The following IFT80 variants were observed in gnomAD, a reference collection of about 807,000 sequenced individuals.
IFT80 encodes intraflagellar transport 80.
In IFT80, 79 loss-of-function variants were observed where a neutral mutation model predicts 107.9. The ratio of observed to expected loss-of-function variants is 0.73; its 90% confidence interval spans 0.61 to 0.88. The LOEUF (loss-of-function observed/expected upper bound fraction) is 0.88, where lower values mean the gene tolerates loss of function less well. Among genes scored for constraint, IFT80 ranks in the 40% least tolerant of loss-of-function variants. The pLI is 0.00. For missense variants in IFT80, 797 were observed against 914.2 expected, an observed-to-expected ratio of 0.87 and a Z score of 1.65; for synonymous variants, 299 against 300.9, an observed-to-expected ratio of 0.99 and a Z score of 0.07.
intron 8 of IFT80, among the ~76,000 whole-genome samples, chr3:160,338,137 A>C (rs1309430390): frequency 2.0e-5 from 3 of 152,180 alleles, no homozygotes; most frequent in African/African-American, 7.2e-5. Context: ...CAGAAAACCA[A>C]AAACAATTAT....
chr3:160,366,462 AT>A lies in IFT80; in HGVS notation c.440-311del, dbSNP rs1244136850. Among the ~76,000 whole-genome samples the A allele has an allele frequency of 7.2e-5, 11 of 152,192 alleles. No homozygotes were observed. In the South Asian group the frequency reaches 1.2e-3, roughly 17 times the overall value. ...TATTGAAATACATAAGATAAAATAA[AT>A]ATACTTCATTTTTAATATATAAAGA... On this transcript the variant is annotated intron_variant, in intron 5 of 19. Transcript: ENST00000326448.
intron 13 of IFT80, among the ~76,000 whole-genome samples, chr3:160,284,820 T>C (rs1188638376): frequency 6.6e-6 from 1 of 152,130 alleles, no homozygotes; most frequent in Admixed American, 6.5e-5. Context: ...AAGTGTAAAA[T>C]TGTTTGTTAC....
chr3:160,383,213 C>T (rs1279614642), intron 2 of IFT80, among the ~76,000 whole-genome samples: 1 of 152,184 alleles, frequency 6.6e-6, no homozygotes, highest in East Asian at 1.9e-4. Flanking sequence ...AATGAGAAGA[C>T]TGCCAGATCA....
intron 11 of IFT80, among the ~76,000 whole-genome samples, chr3:160,302,651 TA>T (rs1716529354): frequency 6.6e-6 from 1 of 152,088 alleles, no homozygotes; most frequent in African/African-American, 2.4e-5. Context: ...AAATAATGTA[TA>T]AATGAATTTA....
At chr3:160,297,181 C>CCA (rs1716048022) in intron 12 of IFT80, among the ~76,000 whole-genome samples, 1 of 152,066 alleles carries the variant, frequency 6.6e-6, no homozygotes, top group Admixed American at 6.6e-5. Context: ...CTCTGTTTCA[C>CCA]CAAGGCTTCT....
chr3:160,366,304 T>C, intron 5 of IFT80, 152 bp from the exon 6 acceptor site: 1 of 644,528 alleles, frequency 1.6e-6, no homozygotes, highest in Non-Finnish European at 2.7e-6. Context: ...GAGTATATAG[T>C]CTGATGTTGA....
intron 12 of IFT80, 82 bp downstream of exon 12, chr3:160,300,801 G>A (rs997461320): frequency 6.3e-6 from 7 of 1,117,430 alleles, no homozygotes; most frequent in Non-Finnish European, 3.9e-6. Context: ...TGGTAGATAA[G>A]AAAATGTAAG....
At chr3:160,306,139 G>A (rs1325411872) in intron 10 of IFT80, among the ~76,000 whole-genome samples, 2 of 152,036 alleles carry the variant, frequency 1.3e-5, no homozygotes, top group African/African-American at 4.8e-5. Flanking sequence ...TCAAAAAGGG[G>A]AGGCAAGGTT....
In IFT80 at chr3:160,280,676, C is replaced by T. The variant is rs764959356; in HGVS notation, c.1655G>A (p.Arg552Lys). The change falls in exon 15 of 20, where the codon AGG (arginine) becomes AAG (lysine). Residue 552 changes from arginine to lysine, a missense_variant. Arg to Lys is a conservative substitution (Grantham distance 26). Transcript: ENST00000326448. ...RDILPKTLYE[R>K]DASEFSKNPH... ...CGCAGTAAAATGTTACCTTGCATCC[C>T]TTTCATATAATGTTTTAGGCAAAAT... The T allele has an allele frequency of 4.2e-5, 67 of 1,611,748 alleles. No individual in the cohort carries two copies. Among genetic ancestry groups the T allele is most frequent in the Non-Finnish European group, 5.5e-5 (65 of 1,178,360 alleles).
At chr3:160,391,103 C>T (rs1713347677) in intron 1 of IFT80, among the ~76,000 whole-genome samples, 1 of 152,206 alleles carries the variant, frequency 6.6e-6, no homozygotes, top group African/African-American at 2.4e-5. Flanking sequence ...CCTCTGGGCA[C>T]ACTACCTATG....
At chr3:160,312,077 G>A (rs150860133) in intron 9 of IFT80, among the ~76,000 whole-genome samples, 190 of 152,220 alleles carry the variant, frequency 1.2e-3, no homozygotes, top group Non-Finnish European at 2.4e-3. Context: ...TACAGCGCCC[G>A]GCCAGTAGTC....
At position 160,296,988 on chromosome 3, in the gene IFT80, A is replaced by G. The variant is rs140747239; in HGVS notation, c.1315+3895T>C. The stretch of plus-strand genomic sequence containing the variant: ...TTTTGTTCTTTGCTGCCTTTTTACT[A>G]TAAATACTTTCCCCTGTATCATTTA... On this transcript the variant is annotated intron_variant, in intron 12 of 19. Transcript: ENST00000326448. Among the ~76,000 whole-genome samples, 204 of 152,250 alleles carry G rather than the reference A, an allele frequency of 1.3e-3. 1 individual carries two copies. Among genetic ancestry groups the G allele is most frequent in the African/African-American group, 4.5e-3 (187 of 41,558 alleles).
At chr3:160,312,131 GAGCTTTGTCTGCAAGGCCAC>G (rs1717313987) in intron 9 of IFT80, among the ~76,000 whole-genome samples, 1 of 152,122 alleles carries the variant, frequency 6.6e-6, no homozygotes, top group African/African-American at 2.4e-5. Flanking sequence ...TGAAATGGCT[GAGCTTTGTCTGCAAGGCCAC>G]AGCTATATGA....
chr3:160,311,650 T>C (rs527866953), intron 9 of IFT80, among the ~76,000 whole-genome samples: 3 of 152,222 alleles, frequency 2.0e-5, no homozygotes, highest in Non-Finnish European at 2.9e-5. Context: ...GAGGTTGTAG[T>C]GGTCTAGAAT....
chr3:160,316,694 T>A (rs1717848309), intron 9 of IFT80, among the ~76,000 whole-genome samples: 1 of 152,090 alleles, frequency 6.6e-6, no homozygotes, highest in African/African-American at 2.4e-5. Flanking sequence ...TGGGATTGAC[T>A]CATTTTCCCC....
At chr3:160,368,860 C>T (rs950894198) in intron 5 of IFT80, among the ~76,000 whole-genome samples, 3 of 151,906 alleles carry the variant, frequency 2.0e-5, no homozygotes, top group Admixed American at 6.6e-5. Flanking sequence ...ACTTTCCTGG[C>T]GTGTATACCA....
chr3:160,357,336 C>T (rs1213236372), intron 7 of IFT80, 153 bp downstream of exon 7: 3 of 551,170 alleles, frequency 5.4e-6, no homozygotes, highest in Admixed American at 3.3e-5. Context: ...GAAGTCCATG[C>T]TTTAAAATAC....
intron 8 of IFT80, among the ~76,000 whole-genome samples, chr3:160,332,307 G>T (rs1385919228): frequency 6.6e-6 from 1 of 152,164 alleles, no homozygotes; most frequent in Non-Finnish European, 1.5e-5. Context: ...AAGGTGTGGG[G>T]TGTCATCAAG....
intron 1 of IFT80, among the ~76,000 whole-genome samples, chr3:160,387,049 G>A (rs1261369411): frequency 1.3e-5 from 2 of 152,104 alleles, no homozygotes; most frequent in East Asian, 1.9e-4. Context: ...GAATAAGACT[G>A]GACGCAGTAA....
Sources: allele counts gnomAD v4.1 joint callset (sites outside exome capture counted in the v4.1 genomes callset), GRCh38; gene constraint gnomAD v4.1.1; transcripts MANE v1.5; gene names NCBI Gene and HGNC (gene_info 2026-07-23, HGNC 2026-07-21).